Variants in UVRAG observed in about 807,000 individuals in gnomAD.
The protein encoded by UVRAG is UV radiation resistance-associated gene protein.
In UVRAG, 19 loss-of-function variants were observed where a neutral mutation model predicts 78.0. The ratio of observed to expected loss-of-function variants is 0.24; its 90% CI spans 0.17 to 0.36. The LOEUF is 0.36. Ranked by LOEUF, UVRAG falls within the 10% of genes least tolerant of loss-of-function variation. The pLI, the probability that UVRAG is intolerant of heterozygous loss-of-function variation, is 1.00. For missense variants in UVRAG, 740 were observed against 853.8 expected (o/e 0.87, Z 1.66); for synonymous variants, 323 against 324.6 (o/e 1.00, Z 0.05).
intron 5 of UVRAG, chr11:75,911,365 G>C (rs1272996825): frequency 6.2e-6 from 1 of 162,040 alleles, no homozygotes; most frequent in African/African-American, 2.4e-5. Flanking sequence ...CTTTGATCCT[G>C]GGTGGGCACG....
In UVRAG at chr11:75,822,019, A is replaced by G. The variant is rs145298344; in HGVS notation, c.117+6495A>G. ...GAGTGCAATGGCACAATGTCAGCTC[A>G]CTGCAACCTCTACCTCTCAGGTTCA... On this transcript the variant is annotated intron_variant, in intron 1 of 14. Transcript: ENST00000356136. Among the ~76,000 whole-genome samples, 294 of 142,528 alleles carry G rather than the reference A, an allele frequency of 2.1e-3. 8 individuals are homozygous for G. The East Asian group carries it at 0.051, about 25-fold the overall frequency. 93.5% of individuals were successfully genotyped at this position (142,528 alleles called of 152,430 possible). A position where few individuals can be genotyped will look rare whatever the true frequency, so the allele number is the denominator to read the frequency against.
chr11:75,897,070 A>T (rs778673377), intron 5 of UVRAG, among the ~76,000 whole-genome samples: 2 of 152,256 alleles, frequency 1.3e-5, no homozygotes, highest in Non-Finnish European at 2.9e-5. Flanking sequence ...GAGCAGGCAT[A>T]GAATCCAAGT....
chr11:76,029,549 C>T (rs752091520), intron 12 of UVRAG, among the ~76,000 whole-genome samples: 6 of 152,066 alleles, frequency 3.9e-5, no homozygotes, highest in Non-Finnish European at 8.8e-5. Flanking sequence ...TTGATTCCAA[C>T]CCTCATGGAT....
intron 5 of UVRAG, among the ~76,000 whole-genome samples, chr11:75,901,270 T>C (rs1279405546): frequency 6.6e-6 from 1 of 151,022 alleles, no homozygotes; most frequent in Admixed American, 6.6e-5. Context: ...TGAGCCATTG[T>C]TTTTTTTTCC....
At chr11:75,945,801 T>G (rs1948576644) in intron 6 of UVRAG, among the ~76,000 whole-genome samples, 1 of 152,096 alleles carries the variant, frequency 6.6e-6, no homozygotes, top group Non-Finnish European at 1.5e-5. Flanking sequence ...TTTTTTGTTT[T>G]TGTACTTGTT....
intron 12 of UVRAG, among the ~76,000 whole-genome samples, chr11:76,053,863 G>A (rs1472072146): frequency 2.0e-5 from 3 of 151,780 alleles, no homozygotes; most frequent in East Asian, 1.9e-4. Flanking sequence ...CCTGCTACTC[G>A]GGAGGCTGAG....
chr11:75,823,049 G>A (rs1403204426), intron 1 of UVRAG, among the ~76,000 whole-genome samples: 1 of 152,060 alleles, frequency 6.6e-6, no homozygotes, highest in Non-Finnish European at 1.5e-5. Flanking sequence ...AAACGCTGAG[G>A]GACTAGGCGT....
At chr11:76,069,298 G>A (rs374946029) in intron 13 of UVRAG, among the ~76,000 whole-genome samples, 2 of 152,156 alleles carry the variant, frequency 1.3e-5, no homozygotes, top group East Asian at 1.9e-4. Flanking sequence ...GTCTAAAGGT[G>A]TGTGTGTGTG....
chr11:75,976,195 C>A (rs1417681188), intron 7 of UVRAG, among the ~76,000 whole-genome samples: 4 of 151,922 alleles, frequency 2.6e-5, no homozygotes, highest in Non-Finnish European at 2.9e-5. Flanking sequence ...GTTGAACCAG[C>A]CTTGCATCCC....
At chr11:76,137,941 G>GAGAGAGAACCTTAAAAATAAAAAA (rs1257765804) in intron 14 of UVRAG, among the ~76,000 whole-genome samples, 3 of 152,052 alleles carry the variant, frequency 2.0e-5, no homozygotes, top group African/African-American at 7.2e-5. Flanking sequence ...AAAATAAAAA[G>GAGAGAGAACCTTAAAAATAAAAAA]AGAGAGAACC....
At chr11:75,823,881 A>G (rs1430795811) in intron 1 of UVRAG, among the ~76,000 whole-genome samples, 1 of 152,200 alleles carries the variant, frequency 6.6e-6, no homozygotes. Flanking sequence ...TTACAGCCTA[A>G]AGAGAACAAG....
chr11:76,102,436 C>G (rs902351221), intron 13 of UVRAG, among the ~76,000 whole-genome samples: 1 of 152,126 alleles, frequency 6.6e-6, no homozygotes, highest in Non-Finnish European at 1.5e-5. Context: ...TGAAACTTTG[C>G]TGAAGTTGTT....
intron 12 of UVRAG, among the ~76,000 whole-genome samples, chr11:76,063,388 G>A (rs1044835769): frequency 3.3e-5 from 5 of 152,166 alleles, no homozygotes; most frequent in Admixed American, 2.6e-4. Flanking sequence ...ATTAAGATTG[G>A]ATTTCTGCAG....
At chr11:76,072,141 G>C (rs1951323296) in intron 13 of UVRAG, among the ~76,000 whole-genome samples, 2 of 152,006 alleles carry the variant, frequency 1.3e-5, no homozygotes, top group African/African-American at 4.8e-5. Flanking sequence ...ACGTACAGTG[G>C]GATTTAATCC....
chr11:76,016,932 C>A lies in UVRAG; in HGVS notation c.1178C>A (p.Ser393Ter). 6.2e-7 allele frequency: 1 copy of A among 1,608,206 alleles called. No homozygotes were observed. The highest frequency in any genetic ancestry group is 8.5e-7 in the Non-Finnish European group (1 of 1,176,712). ...CCTATAATTCATAAGGGGTCTAGAT[C>A]AACAATCAAAGACAATATCAATGAC... ...RYPIIHKGSR[S>*]TIKDNINDKL... Residue 393 changes from serine (S) to a stop codon, truncating the protein, a stop_gained, in exon 12 of 15, where the codon TCA becomes TAA. Transcript: ENST00000356136. LOFTEE classifies it high-confidence loss of function.
intron 6 of UVRAG, among the ~76,000 whole-genome samples, chr11:75,932,558 A>G (rs572065790): frequency 3.9e-5 from 6 of 152,282 alleles, no homozygotes; most frequent in Admixed American, 1.3e-4. Context: ...TGCTGGGATT[A>G]CAGGCGTGAA....
intron 7 of UVRAG, among the ~76,000 whole-genome samples, chr11:75,968,590 TGTA>T (rs1565403697): frequency 6.6e-6 from 1 of 152,234 alleles, no homozygotes; most frequent in Non-Finnish European, 1.5e-5. Context: ...CCCATATTAA[TGTA>T]GTATTTAGAT....
intron 1 of UVRAG, among the ~76,000 whole-genome samples, chr11:75,829,865 A>T (rs1412967848): frequency 6.6e-6 from 1 of 152,214 alleles, no homozygotes; most frequent in Non-Finnish European, 1.5e-5. Context: ...TTTGAGACGA[A>T]GTCTCACTCT....
At chr11:76,053,640 G>T (rs931386725) in intron 12 of UVRAG, among the ~76,000 whole-genome samples, 11 of 151,940 alleles carry the variant, frequency 7.2e-5, no homozygotes, top group Non-Finnish European at 1.2e-4. Flanking sequence ...TAGCCAGTCT[G>T]GTCTTTAAAA....
Sources: allele counts gnomAD v4.1 joint callset (sites outside exome capture counted in the v4.1 genomes callset), GRCh38; gene constraint gnomAD v4.1.1; transcripts MANE v1.5; gene names NCBI Gene and HGNC (gene_info 2026-07-23, HGNC 2026-07-21).